Variants in MNAT1 observed in about 807,000 individuals in gnomAD.
MNAT1 encodes the protein MNAT1 component of CDK activating kinase.
In MNAT1, 43 loss-of-function variants were observed where a neutral mutation model predicts 42.0. The observed-to-expected ratio is 1.02, with a 90% confidence interval of 0.80 to 1.32. The LOEUF is 1.32. Ranked by LOEUF, MNAT1 falls within the 40% of genes most tolerant of loss-of-function variation. The pLI, the probability that MNAT1 is intolerant of heterozygous loss-of-function variation, is 0.00. For missense variants in MNAT1, 306 were observed against 350.4 expected (o/e 0.87, Z 1.01); for synonymous variants, 118 against 120.0 (o/e 0.98, Z 0.11).
At chr14:60,799,650 G>C (rs1248071815) in intron 3 of MNAT1, among the ~76,000 whole-genome samples, 1 of 151,490 alleles carries the variant, frequency 6.6e-6, no homozygotes, top group Non-Finnish European at 1.5e-5. Context: ...TGAACTACAA[G>C]GAGATCTTGA....
chr14:60,761,012 C>A (rs2030575290), intron 1 of MNAT1, among the ~76,000 whole-genome samples: 1 of 152,234 alleles, frequency 6.6e-6, no homozygotes, highest in African/African-American at 2.4e-5. Flanking sequence ...TTTCTCAACT[C>A]TTTTGGCCAT....
At chr14:60,904,206 G>A (rs1298458071) in intron 7 of MNAT1, among the ~76,000 whole-genome samples, 1 of 151,812 alleles carries the variant, frequency 6.6e-6, no homozygotes, top group Admixed American at 6.6e-5. Context: ...AAAGTCTTGG[G>A]GCATCAGAAA....
chr14:60,854,200 T>G (rs906766872), intron 6 of MNAT1, among the ~76,000 whole-genome samples: 10 of 152,220 alleles, frequency 6.6e-5, no homozygotes, highest in Admixed American at 1.3e-4. Flanking sequence ...GCAGTTCTTG[T>G]AACTTTTTGT....
intron 6 of MNAT1, among the ~76,000 whole-genome samples, chr14:60,840,007 G>A (rs909343689): frequency 6.6e-6 from 1 of 152,220 alleles, no homozygotes; most frequent in African/African-American, 2.4e-5. Context: ...TTGCACAAAA[G>A]GTGCCACCAG....
At chr14:60,818,912 C>T in intron 6 of MNAT1, 65 bp downstream of exon 6, 1 of 1,546,062 alleles carries the variant, frequency 6.5e-7, no homozygotes, top group Non-Finnish European at 8.8e-7. Context: ...TATAATTTTA[C>T]ACGATTTCTA....
intron 6 of MNAT1, among the ~76,000 whole-genome samples, chr14:60,870,921 G>A (rs1205645715): frequency 2.0e-5 from 3 of 152,094 alleles, no homozygotes; most frequent in South Asian, 2.1e-4. Context: ...CTAGCCCACA[G>A]CAATTGTTAA....
intron 1 of MNAT1, among the ~76,000 whole-genome samples, chr14:60,795,582 A>G (rs556755446): frequency 3.3e-5 from 5 of 152,296 alleles, no homozygotes; most frequent in Admixed American, 2.0e-4. Context: ...CTTTAACCGA[A>G]TAAAGCTTTT....
chr14:60,940,440 C>T (rs1036191642), intron 7 of MNAT1, among the ~76,000 whole-genome samples: 16 of 152,076 alleles, frequency 1.1e-4, no homozygotes, highest in East Asian at 3.9e-4. Flanking sequence ...TGTTTTGAGA[C>T]GGATTTTCGC....
At chr14:60,746,109 C>T (rs1180896875) in intron 1 of MNAT1, among the ~76,000 whole-genome samples, 1 of 152,110 alleles carries the variant, frequency 6.6e-6, no homozygotes, top group Non-Finnish European at 1.5e-5. Context: ...CTAGTTTCAC[C>T]ATAGACTAGC....
At chr14:60,923,822 T>TA (rs1001661098) in intron 7 of MNAT1, among the ~76,000 whole-genome samples, 3 of 151,768 alleles carry the variant, frequency 2.0e-5, no homozygotes, top group East Asian at 3.9e-4. Context: ...CCACAAAAAA[T>TA]AAAAAAAATT....
chr14:60,800,636 T>C (rs1346681022), intron 3 of MNAT1, among the ~76,000 whole-genome samples: 1 of 152,210 alleles, frequency 6.6e-6, no homozygotes, highest in Non-Finnish European at 1.5e-5. Context: ...GAATTTGCTC[T>C]ATGTCATTAA....
chr14:60,777,993 A>C (rs1045145370), intron 1 of MNAT1, among the ~76,000 whole-genome samples: 2 of 152,242 alleles, frequency 1.3e-5, no homozygotes. Flanking sequence ...CAACAACTGA[A>C]GGAATGCCAG....
At chr14:60,807,586 G>A (rs2032412257) in intron 3 of MNAT1, among the ~76,000 whole-genome samples, 1 of 152,160 alleles carries the variant, frequency 6.6e-6, no homozygotes, top group African/African-American at 2.4e-5. Context: ...TAATTGTTCA[G>A]AGTATTATAG....
intron 6 of MNAT1, among the ~76,000 whole-genome samples, chr14:60,868,027 A>G (rs985396183): frequency 6.6e-6 from 1 of 152,134 alleles, no homozygotes; most frequent in African/African-American, 2.4e-5. Context: ...AATGACCAGA[A>G]CAGCATAGTA....
At chr14:60,766,272 G>A (rs912115087) in intron 1 of MNAT1, among the ~76,000 whole-genome samples, 1 of 151,690 alleles carries the variant, frequency 6.6e-6, no homozygotes, top group Non-Finnish European at 1.5e-5. Flanking sequence ...GCTTGAACCC[G>A]GGAGGCGGAG....
At chr14:60,819,841 G>T (rs2032827768) in intron 6 of MNAT1, among the ~76,000 whole-genome samples, 1 of 152,044 alleles carries the variant, frequency 6.6e-6, no homozygotes, top group African/African-American at 2.4e-5. Context: ...GAACGGTGAT[G>T]ATAATACTGA....
chr14:60,749,174 G>A (rs148574180), intron 1 of MNAT1, among the ~76,000 whole-genome samples: 2,722 of 152,250 alleles, frequency 0.018, 48 homozygotes, highest in Non-Finnish European at 0.023. Context: ...GTACCTGCAG[G>A]TATCAGAAAG....
chr14:60,746,897 C>CTT (rs1555371854), intron 1 of MNAT1, among the ~76,000 whole-genome samples: 1 of 21,966 alleles, frequency 4.6e-5, no homozygotes, highest in Non-Finnish European at 7.0e-5. Flanking sequence ...AGATTCATTT[C>CTT]ATATATATAT....
intron 1 of MNAT1, among the ~76,000 whole-genome samples, chr14:60,757,783 G>GT (rs773122588): frequency 6.6e-6 from 1 of 152,198 alleles, no homozygotes; most frequent in African/African-American, 2.4e-5. Context: ...GTGCTTTTAG[G>GT]TTTTTTTCTG....
Sources: gnomAD v4.1 joint callset for allele counts (sites outside exome capture counted in the v4.1 genomes callset) on GRCh38, gnomAD v4.1.1 for gene constraint, MANE v1.5 for transcripts, NCBI Gene and HGNC (gene_info 2026-07-23, HGNC 2026-07-21) for gene names.